Variants in TMEM170B observed in about 807,000 individuals in gnomAD.
The protein encoded by TMEM170B is transmembrane protein 170B.
A neutral mutation model predicts 13.0 loss-of-function variants in TMEM170B; 6 were observed. The ratio of observed to expected loss-of-function variants is 0.46; its 90% CI spans 0.25 to 0.91. The LOEUF (loss-of-function observed/expected upper bound fraction) is 0.91. Among genes scored for constraint, TMEM170B ranks in the 40% least tolerant of loss-of-function variants. The pLI is 0.17. For synonymous variants in TMEM170B, 61 were observed against 64.9 expected, an observed-to-expected ratio of 0.94 and a Z score of 0.29; for missense variants, 138 against 165.2, an observed-to-expected ratio of 0.84 and a Z score of 0.90.
chr6:11,576,185 A>ACTT lies in TMEM170B; in HGVS notation c.*626_*627insTCT, dbSNP rs1192069866. 1 of 152,252 alleles carries ACTT rather than the reference A, an allele frequency of 6.6e-6. No homozygotes were observed. The allele number at this position is 152,252 out of a possible 1,614,324, so 9.4% of individuals were successfully genotyped here. ...TTGATGTGGAAGATAAGTCTTCTTA[A>ACTT]CTGAAGACTAGCTCAACTGTTTTAA... is the stretch of plus-strand genomic sequence containing the variant. On this transcript the variant is annotated 3_prime_UTR_variant, in exon 3 of 3. Coordinates refer to ENST00000379426, the MANE Select transcript of TMEM170B (RefSeq NM_001100829.3).
chr6:11,539,187 C>G (rs1167118265), intron 1 of TMEM170B, among the ~76,000 whole-genome samples: 1 of 152,092 alleles, frequency 6.6e-6, no homozygotes, highest in African/African-American at 2.4e-5. Flanking sequence ...TGTGGAAATG[C>G]TTACATTATA....
Position 11,582,561 on chromosome 6 carries a change from G to A in TMEM170B, c.*7000G>A, listed in dbSNP as rs1241270226. ...TTTTCTCTATTTTTTCTTTTTCCAA[G>A]TATGAAATGGAAAAAAATGTAGTTA... is the stretch of plus-strand genomic sequence containing the variant. On this transcript the variant is annotated 3_prime_UTR_variant, in exon 3 of 3. Transcript: ENST00000379426. The A allele has an allele frequency of 3.3e-5, 5 of 152,064 alleles. No homozygotes were observed. 9.4% of individuals were successfully genotyped at this position (152,064 alleles called of 1,614,324 possible).
At chr6:11,567,016 C>T (rs548174304) in intron 2 of TMEM170B, among the ~76,000 whole-genome samples, 20 of 152,182 alleles carry the variant, frequency 1.3e-4, no homozygotes, top group Non-Finnish European at 2.4e-4. Flanking sequence ...TGGGAAATTG[C>T]CTCTCCCTGG....
chr6:11,577,091 A>T lies in TMEM170B; in HGVS notation c.*1530A>T, dbSNP rs2113787420. The T allele has an allele frequency of 6.6e-6, 1 of 152,204 alleles. No homozygotes were observed. Among genetic ancestry groups the T allele is most frequent in the Non-Finnish European group, 1.5e-5 (1 of 67,960 alleles). The allele number at this position is 152,204 out of a possible 1,614,324, so 9.4% of individuals were successfully genotyped here. A position where few individuals can be genotyped will look rare whatever the true frequency, so the allele number is the denominator to read the frequency against. The stretch of plus-strand genomic sequence containing the variant: ...TTGCTGTTTAATCCAATTTGCTATA[A>T]AAGTAGGCCTTTGTTATATTACATT... On this transcript the variant is annotated 3_prime_UTR_variant, in exon 3 of 3. Transcript: ENST00000379426.
intron 1 of TMEM170B, among the ~76,000 whole-genome samples, chr6:11,559,467 T>C (rs1759632631): frequency 6.6e-6 from 1 of 152,190 alleles, no homozygotes; most frequent in Non-Finnish European, 1.5e-5. Context: ...ATTACAGGCA[T>C]GAGCTACTGT....
At chr6:11,562,226 T>G (rs1205440314) in intron 1 of TMEM170B, among the ~76,000 whole-genome samples, 1 of 152,042 alleles carries the variant, frequency 6.6e-6, no homozygotes, top group Non-Finnish European at 1.5e-5. Context: ...GAAAACTGTA[T>G]CTTTCAATAT....
intron 1 of TMEM170B, among the ~76,000 whole-genome samples, chr6:11,549,163 C>T (rs1256335815): frequency 1.3e-5 from 2 of 152,146 alleles, no homozygotes; most frequent in Non-Finnish European, 2.9e-5. Context: ...AATAAGTCTA[C>T]TGATGGCTAT....
At chr6:11,548,331 A>C (rs1172073142) in intron 1 of TMEM170B, among the ~76,000 whole-genome samples, 1 of 152,224 alleles carries the variant, frequency 6.6e-6, no homozygotes, top group Non-Finnish European at 1.5e-5. Flanking sequence ...AAAAATGCTC[A>C]TCATCGCTGG....
chr6:11,538,217 C>G lies in TMEM170B; in HGVS notation c.-61C>G. 1 of 937,594 alleles carries G rather than the reference C, an allele frequency of 1.1e-6. No homozygotes were observed. Among genetic ancestry groups the G allele is most frequent in the Non-Finnish European group, 1.4e-6 (1 of 740,562 alleles). 58.1% of individuals were successfully genotyped at this position (937,594 alleles called of 1,614,324 possible). A position where few individuals can be genotyped will look rare whatever the true frequency, so the allele number is the denominator to read the frequency against. ...GCGCACCCGCCGCCGCCCCCCGAGC[C>G]TCGCAGCCGCCGCCGCCGCCCGGCA... On this transcript the variant is annotated 5_prime_UTR_variant, in exon 1 of 3. Coordinates refer to ENST00000379426, the MANE Select transcript of TMEM170B (RefSeq NM_001100829.3).
chr6:11,538,235 G>T lies in TMEM170B; in HGVS notation c.-43G>T. 5 of 1,153,996 alleles carry T rather than the reference G, an allele frequency of 4.3e-6. No homozygotes were observed. The highest frequency in any genetic ancestry group is 5.4e-6 in the Non-Finnish European group (5 of 918,434). 71.5% of individuals were successfully genotyped at this position (1,153,996 alleles called of 1,614,324 possible). The stretch of plus-strand genomic sequence containing the variant: ...CCCGAGCCTCGCAGCCGCCGCCGCC[G>T]CCCGGCACCCGAGGAGAGGGCGGCG... On this transcript the variant is annotated 5_prime_UTR_variant, in exon 1 of 3. Coordinates refer to ENST00000379426, the MANE Select transcript of TMEM170B (RefSeq NM_001100829.3).
intron 1 of TMEM170B, among the ~76,000 whole-genome samples, chr6:11,564,655 T>C (rs1246386436): frequency 6.6e-6 from 1 of 152,204 alleles, no homozygotes; most frequent in Non-Finnish European, 1.5e-5. Context: ...AATCTAAGGA[T>C]GGTAATGAGT....
chr6:11,545,812 C>T (rs1317714203), intron 1 of TMEM170B, among the ~76,000 whole-genome samples: 1 of 150,012 alleles, frequency 6.7e-6, no homozygotes, highest in Non-Finnish European at 1.5e-5. Flanking sequence ...TCGAGACCAT[C>T]CTGGCTAACA....
At chr6:11,552,624 A>G (rs2113768424) in intron 1 of TMEM170B, among the ~76,000 whole-genome samples, 1 of 152,366 alleles carries the variant, frequency 6.6e-6, no homozygotes, top group South Asian at 2.1e-4. Context: ...CAATAGAGTC[A>G]TACATATTCA....
chr6:11,561,499 C>G (rs1759665069), intron 1 of TMEM170B, among the ~76,000 whole-genome samples: 1 of 152,172 alleles, frequency 6.6e-6, no homozygotes, highest in Admixed American at 6.5e-5. Flanking sequence ...CTGAACTAAT[C>G]CAGTAGGTTT....
In TMEM170B at chr6:11,577,657, T is replaced by G. The variant is rs887372071; in HGVS notation, c.*2096T>G. 6.6e-6 allele frequency: 1 copy of G among 152,098 alleles called. No homozygotes were observed. The highest frequency in any genetic ancestry group is 6.6e-5 in the Admixed American group (1 of 15,256). 9.4% of individuals were successfully genotyped at this position (152,098 alleles called of 1,614,324 possible). A position where few individuals can be genotyped will look rare whatever the true frequency, so the allele number is the denominator to read the frequency against. Reference sequence around the variant, plus strand: ...AATCCAAAATTAACAAGAAAATAACTTGGATACATTAAATGTACTAATGTG... The same window carrying G: ...AATCCAAAATTAACAAGAAAATAACGTGGATACATTAAATGTACTAATGTG... On this transcript the variant is annotated 3_prime_UTR_variant, in exon 3 of 3. Transcript: ENST00000379426.
At chr6:11,555,803 T>C (rs1759579945) in intron 1 of TMEM170B, among the ~76,000 whole-genome samples, 1 of 152,222 alleles carries the variant, frequency 6.6e-6, no homozygotes, top group Non-Finnish European at 1.5e-5. Flanking sequence ...CAACAGTGAG[T>C]TGTTTTTCCT....
chr6:11,549,120 T>A (rs1461748611), intron 1 of TMEM170B, among the ~76,000 whole-genome samples: 3 of 151,766 alleles, frequency 2.0e-5, no homozygotes, highest in Non-Finnish European at 4.4e-5. Flanking sequence ...GCCCAGAGAG[T>A]GTAGCATGTT....
intron 1 of TMEM170B, among the ~76,000 whole-genome samples, chr6:11,540,876 C>CA (rs1360287868): frequency 9.2e-5 from 14 of 152,306 alleles, no homozygotes; most frequent in African/African-American, 3.4e-4. Flanking sequence ...TGTTAGCAGT[C>CA]ATGAAAACAA....
intron 1 of TMEM170B, among the ~76,000 whole-genome samples, chr6:11,547,521 TA>T (rs1759456016): frequency 6.6e-6 from 1 of 152,212 alleles, no homozygotes; most frequent in Non-Finnish European, 1.5e-5. Context: ...TTTACTTTTT[TA>T]AAAAATGTGA....
Sources: gnomAD v4.1 joint callset for allele counts (sites outside exome capture counted in the v4.1 genomes callset) on GRCh38, gnomAD v4.1.1 for gene constraint, MANE v1.5 for transcripts, NCBI Gene and HGNC (gene_info 2026-07-23, HGNC 2026-07-21) for gene names.